Variants in FAM135B observed in about 807,000 individuals in gnomAD.
FAM135B encodes the protein family with sequence similarity 135 member B.
A neutral mutation model predicts 127.7 loss-of-function variants in FAM135B; 43 were observed. That is an observed-to-expected ratio of 0.34 (90% CI 0.26 to 0.43). FAM135B has a LOEUF of 0.43. Among genes scored for constraint, FAM135B ranks in the 20% least tolerant of loss-of-function variants. The pLI is 1.00. For synonymous variants in FAM135B, 670 were observed against 665.1 expected (o/e 1.01, Z -0.11); for missense variants, 1,558 against 1,725.6 (o/e 0.90, Z 1.72).
chr8:138,363,060 T>C (rs1014583080), intron 2 of FAM135B, among the ~76,000 whole-genome samples: 3 of 152,162 alleles, frequency 2.0e-5, no homozygotes, highest in Non-Finnish European at 2.9e-5. Context: ...GGAACTTGTA[T>C]AGCATAGAAT....
chr8:138,256,133 T>G (rs1288278570), intron 5 of FAM135B, among the ~76,000 whole-genome samples: 1 of 92,844 alleles, frequency 1.1e-5, no homozygotes, highest in African/African-American at 3.6e-5. Context: ...CCCAGCTTAG[T>G]TGGCCTGACA....
chr8:138,447,239 T>C lies in FAM135B; in HGVS notation c.-20+49432A>G, dbSNP rs1053665897. Among the ~76,000 whole-genome samples the C allele has an allele frequency of 3.6e-4, 55 of 152,248 alleles. 1 individual carries two copies. The highest frequency in any genetic ancestry group is 6.5e-4 in the Admixed American group (10 of 15,292). ...AAACTAGTTCAACCATTGTGGAAGA[T>C]AGTGTGGCGATTCCTCAGGGATCTA... On this transcript the variant is annotated intron_variant, in intron 1 of 19. Transcript: ENST00000395297.
At chr8:138,374,387 T>C (rs909162507) in intron 1 of FAM135B, among the ~76,000 whole-genome samples, 9 of 152,238 alleles carry the variant, frequency 5.9e-5, no homozygotes, top group African/African-American at 2.2e-4. Flanking sequence ...CAATAGGATA[T>C]TGTTAAAGTA....
rs541490538 is a variant in FAM135B, at chr8:138,358,150, G to A, written c.77+9757C>T. ...AAACTTATTCACTACCACGAGAAAA[G>A]CCCAAGAAAAATCTGCCCCCATGAT... On this transcript the variant is annotated intron_variant, in intron 2 of 19. Coordinates refer to ENST00000395297, the MANE Select transcript of FAM135B (RefSeq NM_015912.4). 6.6e-5 allele frequency among the ~76,000 whole-genome samples: 10 copies of A among 152,134 alleles called. No individual in the cohort carries two copies. The East Asian group carries it at 1.9e-3, about 29-fold the overall frequency.
chr8:138,191,218 T>C (rs1816093454), intron 9 of FAM135B, among the ~76,000 whole-genome samples: 1 of 152,152 alleles, frequency 6.6e-6, no homozygotes. Context: ...CCCACTTCAT[T>C]CTCCTATGGC....
At chr8:138,384,189 G>A (rs1307439534) in intron 1 of FAM135B, among the ~76,000 whole-genome samples, 1 of 152,146 alleles carries the variant, frequency 6.6e-6, no homozygotes, top group East Asian at 1.9e-4. Context: ...TCCACTCACT[G>A]CATGCAGGAT....
intron 2 of FAM135B, among the ~76,000 whole-genome samples, chr8:138,322,132 C>G (rs1827489317): frequency 1.3e-5 from 2 of 152,200 alleles, no homozygotes; most frequent in African/African-American, 4.8e-5. Context: ...TATGAATGTG[C>G]AGGGGAACTT....
At chr8:138,436,067 C>T (rs1202050904) in intron 1 of FAM135B, among the ~76,000 whole-genome samples, 1 of 152,106 alleles carries the variant, frequency 6.6e-6, no homozygotes, top group East Asian at 1.9e-4. Context: ...ATAACAGTGT[C>T]GTAAAAGAGG....
At chr8:138,220,770 C>T (rs1586809868) in intron 7 of FAM135B, among the ~76,000 whole-genome samples, 1 of 152,224 alleles carries the variant, frequency 6.6e-6, no homozygotes, top group East Asian at 1.9e-4. Context: ...AATTTCATCT[C>T]ATGGTTTATA....
chr8:138,345,997 C>T (rs1029943420), intron 2 of FAM135B, among the ~76,000 whole-genome samples: 5 of 152,116 alleles, frequency 3.3e-5, no homozygotes, highest in Admixed American at 1.3e-4. Context: ...GGGCAAAGGA[C>T]GTGAACAGAC....
In FAM135B at chr8:138,152,301, C is replaced by T. The variant is rs771264705; in HGVS notation, c.2174G>A (p.Arg725Gln). Residue 725 changes from arginine to glutamine, a missense_variant, in exon 13 of 20, where the codon CGG (arginine) becomes CAG (glutamine). This residue lies in a region of FAM135B where 923 missense variants were observed against 865.3 expected (regional missense o/e 1.07). Transcript: ENST00000395297. ...TGTGTGTCCACCCTCTAGGGAGTTC[C>T]GGTGGAGGGCATGTCTTCGAACAAA... The part of the protein sequence containing the change: ...HPFVRRHALH[R>Q]NSLEGGHTES... 3.4e-5 allele frequency: 55 copies of T among 1,613,998 alleles called. No individual in the cohort carries two copies. The highest frequency in any genetic ancestry group is 1.6e-4 in the Middle Eastern group (1 of 6,084).
chr8:138,483,450 T>C (rs1400522079), intron 1 of FAM135B, among the ~76,000 whole-genome samples: 7 of 152,036 alleles, frequency 4.6e-5, no homozygotes, highest in Non-Finnish European at 1.0e-4. Flanking sequence ...AATTCAACCA[T>C]CAGAGGGGTG....
chr8:138,490,112 T>C (rs1347273913), intron 1 of FAM135B, among the ~76,000 whole-genome samples: 1 of 152,184 alleles, frequency 6.6e-6, no homozygotes, highest in Non-Finnish European at 1.5e-5. Flanking sequence ...ACTTTGGAAA[T>C]AAAATTTTTG....
rs1814713291 is a variant in FAM135B, at chr8:138,480,032, T to C, written c.-20+16639A>G. The stretch of plus-strand genomic sequence containing the variant: ...TGGGGCTGCCACTTTGCAGGGAGGT[T>C]CTCAGTGGTGCCAACTGTGCTGGCA... On this transcript the variant is annotated intron_variant, in intron 1 of 19. Transcript: ENST00000395297. Among the ~76,000 whole-genome samples, 3 of 152,166 alleles carry C rather than the reference T, an allele frequency of 2.0e-5. No homozygotes were observed. The South Asian group carries it at 6.2e-4, about 32-fold the overall frequency.
intron 1 of FAM135B, among the ~76,000 whole-genome samples, chr8:138,454,267 A>C (rs1836653589): frequency 1.3e-5 from 2 of 152,172 alleles, no homozygotes; most frequent in Non-Finnish European, 2.9e-5. Context: ...CGGCCAAAAA[A>C]TTGGATCAGG....
intron 2 of FAM135B, among the ~76,000 whole-genome samples, chr8:138,355,796 CACA>C: frequency 6.6e-6 from 1 of 152,290 alleles, no homozygotes; most frequent in Middle Eastern, 3.4e-3. Flanking sequence ...AGAAAGACAT[CACA>C]ACATTTGAAT....
At chr8:138,370,945 T>A (rs1831072554) in intron 1 of FAM135B, among the ~76,000 whole-genome samples, 1 of 152,170 alleles carries the variant, frequency 6.6e-6, no homozygotes, top group South Asian at 2.1e-4. Context: ...AGCAACACTG[T>A]GTTATGAAAA....
At chr8:138,432,890 C>T (rs991096819) in intron 1 of FAM135B, among the ~76,000 whole-genome samples, 5 of 151,974 alleles carry the variant, frequency 3.3e-5, no homozygotes, top group African/African-American at 1.2e-4. Flanking sequence ...CCCAGAAAAC[C>T]TTAATGTTTG....
chr8:138,235,154 T>C (rs1586842924), intron 7 of FAM135B, among the ~76,000 whole-genome samples: 2 of 152,258 alleles, frequency 1.3e-5, no homozygotes, highest in South Asian at 4.2e-4. Flanking sequence ...TGGCCACTCA[T>C]TGTAGATATA....
Sources: gnomAD v4.1 joint callset for allele counts (sites outside exome capture counted in the v4.1 genomes callset) on GRCh38, gnomAD v4.1.1 for gene constraint, gnomAD v4.1.1 regional missense constraint, MANE v1.5 for transcripts, NCBI Gene and HGNC (gene_info 2026-07-23, HGNC 2026-07-21) for gene names.